ATRNL1: variants seen among roughly 807,000 people sequenced by gnomAD.
ATRNL1 encodes attractin-like protein 1.
Under a neutral mutation model 182.7 loss-of-function variants are expected in ATRNL1, and 95 were observed. The ratio of observed to expected loss-of-function variants is 0.52; its 90% CI spans 0.44 to 0.62. ATRNL1 has a LOEUF of 0.62. Ranked by LOEUF, ATRNL1 falls within the 20% of genes least tolerant of loss-of-function variation. ATRNL1 has a pLI of 0.00. For missense variants in ATRNL1, 1,471 were observed against 1,679.5 expected (o/e 0.88, Z 2.17); for synonymous variants, 576 against 568.3 (o/e 1.01, Z -0.19).
At chr10:115,098,298 C>T (rs1554863663) in intron 1 of ATRNL1, among the ~76,000 whole-genome samples, 1 of 152,036 alleles carries the variant, frequency 6.6e-6, no homozygotes, top group African/African-American at 2.4e-5. Flanking sequence ...GGCCTCCTTT[C>T]CTCTGCCCTG....
chr10:115,783,381 T>A (rs1159815000), intron 27 of ATRNL1, among the ~76,000 whole-genome samples: 1 of 152,176 alleles, frequency 6.6e-6, no homozygotes, highest in East Asian at 1.9e-4. Flanking sequence ...GAGTTCAGAT[T>A]TGGAGATGGA....
intron 27 of ATRNL1, among the ~76,000 whole-genome samples, chr10:115,758,438 T>C (rs1948648488): frequency 6.6e-6 from 1 of 152,186 alleles, no homozygotes; most frequent in Non-Finnish European, 1.5e-5. Flanking sequence ...TCTCTTTGCC[T>C]GGGTATCACC....
intron 13 of ATRNL1, among the ~76,000 whole-genome samples, chr10:115,274,596 G>T (rs1852021643): frequency 6.6e-6 from 1 of 152,184 alleles, no homozygotes; most frequent in Admixed American, 6.5e-5. Flanking sequence ...TCCAATCTAT[G>T]TGATGTTATC....
chr10:115,758,016 T>C (rs1555072508), intron 27 of ATRNL1, among the ~76,000 whole-genome samples: 1 of 151,994 alleles, frequency 6.6e-6, no homozygotes, highest in South Asian at 2.1e-4. Context: ...CATCAGGTCA[T>C]TTATGTTCTT....
At chr10:115,134,344 A>G (rs191349066) in intron 5 of ATRNL1, among the ~76,000 whole-genome samples, 2 of 152,208 alleles carry the variant, frequency 1.3e-5, no homozygotes, top group African/African-American at 4.8e-5. Context: ...ATAAAAAATG[A>G]TAAAGGGGAT....
chr10:115,385,369 G>A (rs576259231), intron 19 of ATRNL1, among the ~76,000 whole-genome samples: 115 of 152,038 alleles, frequency 7.6e-4, no homozygotes, highest in Middle Eastern at 3.4e-3. Context: ...TGCGTATGAA[G>A]TATCTATTCA....
At chr10:115,764,004 T>C (rs1414558554) in intron 27 of ATRNL1, among the ~76,000 whole-genome samples, 1 of 152,194 alleles carries the variant, frequency 6.6e-6, no homozygotes, top group African/African-American at 2.4e-5. Context: ...GCAATCACTG[T>C]TTTCGGGATT....
chr10:115,376,822 C>T (rs971509555), intron 19 of ATRNL1, among the ~76,000 whole-genome samples: 5 of 152,190 alleles, frequency 3.3e-5, no homozygotes, highest in African/African-American at 1.2e-4. Flanking sequence ...CCCTTTGTCA[C>T]ATCTTCTGGT....
At chr10:115,319,882 C>T (rs1177552171) in intron 18 of ATRNL1, among the ~76,000 whole-genome samples, 4 of 151,842 alleles carry the variant, frequency 2.6e-5, no homozygotes, top group African/African-American at 7.3e-5. Flanking sequence ...GGGGATTTAG[C>T]CCATTTACAT....
chr10:115,499,679 C>T (rs1177071017), intron 24 of ATRNL1, among the ~76,000 whole-genome samples: 1 of 152,254 alleles, frequency 6.6e-6, no homozygotes, highest in South Asian at 2.1e-4. Flanking sequence ...AGGTTATAGG[C>T]AGATAAGAGA....
At chr10:115,597,778 G>T in intron 26 of ATRNL1, 1 of 379,014 alleles carries the variant, frequency 2.6e-6, no homozygotes, top group Admixed American at 3.3e-5. Context: ...CAGGCGATCT[G>T]CCCACCTCGG....
At chr10:115,590,011 A>G (rs1487488137) in intron 26 of ATRNL1, among the ~76,000 whole-genome samples, 5 of 152,186 alleles carry the variant, frequency 3.3e-5, no homozygotes, top group African/African-American at 9.6e-5. Context: ...TTGCTTTAGC[A>G]TTGTCAGATT....
intron 27 of ATRNL1, among the ~76,000 whole-genome samples, chr10:115,792,964 C>T (rs1294370295): frequency 2.0e-5 from 3 of 151,774 alleles, no homozygotes; most frequent in Non-Finnish European, 2.9e-5. Flanking sequence ...CATGTTATTG[C>T]CAGATATTTA....
chr10:115,864,271 GA>G (rs527752228), intron 28 of ATRNL1, among the ~76,000 whole-genome samples: 1,662 of 89,188 alleles, frequency 0.019, 28 homozygotes, highest in African/African-American at 0.053. Context: ...AGTGTCACAA[GA>G]AAAAAAAAAA....
In ATRNL1 at chr10:115,467,265, T is replaced by G. The variant is rs1306970113; in HGVS notation, c.3496+13T>G. The G allele has an allele frequency of 6.4e-7, 1 of 1,573,820 alleles. No homozygotes were observed. The highest frequency in any genetic ancestry group is 1.4e-5 in the African/African-American group (1 of 73,432). On this transcript the variant is annotated intron_variant, in intron 23 of 28. Coordinates refer to ENST00000355044, the MANE Select transcript of ATRNL1 (RefSeq NM_207303.4). ...GTCGGTTCAACAGGTAAAAAAATGT[T>G]GATGTCATATCTCTTTTACATGTGT... is the stretch of plus-strand genomic sequence containing the variant.
chr10:115,234,592 CTTT>C (rs554861467), intron 9 of ATRNL1, among the ~76,000 whole-genome samples: 7 of 133,766 alleles, frequency 5.2e-5, no homozygotes, highest in South Asian at 2.5e-4. Context: ...TTTTCTTTTT[CTTT>C]TTTTTTTTTT....
intron 27 of ATRNL1, among the ~76,000 whole-genome samples, chr10:115,823,472 G>A (rs782127510): frequency 2.6e-5 from 4 of 152,150 alleles, no homozygotes; most frequent in Non-Finnish European, 5.9e-5. Context: ...CAATTCGGAA[G>A]AGAGGAAGTC....
intron 8 of ATRNL1, among the ~76,000 whole-genome samples, chr10:115,177,912 G>GTTTTTTTTTTTGTTTTTTTTTT (rs1847589152): frequency 1.4e-5 from 1 of 71,062 alleles, no homozygotes; most frequent in Non-Finnish European, 3.0e-5. Context: ...TGTTTTTTTT[G>GTTTTTTTTTTTGTTTTTTTTTT]TTTTTTTTTT....
intron 26 of ATRNL1, among the ~76,000 whole-genome samples, chr10:115,609,643 T>G (rs1368322633): frequency 1.3e-5 from 2 of 152,056 alleles, no homozygotes; most frequent in African/African-American, 4.8e-5. Flanking sequence ...TTTGCCTGCT[T>G]TCTCCTATTC....
Sources: allele counts gnomAD v4.1 joint callset (sites outside exome capture counted in the v4.1 genomes callset), GRCh38; gene constraint gnomAD v4.1.1; transcripts MANE v1.5; gene names NCBI Gene and HGNC (gene_info 2026-07-23, HGNC 2026-07-21).